NAALADL2: variants seen among roughly 807,000 people sequenced by gnomAD.
The protein encoded by NAALADL2 is N-acetylated alpha-linked acidic dipeptidase like 2.
NAALADL2 carries 76 observed loss-of-function variants against 87.2 expected under a neutral mutation model. The ratio of observed to expected loss-of-function variants is 0.87; its 90% confidence interval spans 0.72 to 1.05. The LOEUF (loss-of-function observed/expected upper bound fraction) is 1.05, where lower values mean the gene tolerates loss of function less well. NAALADL2 is among the 50% of genes least tolerant of loss of function. The probability of loss-of-function intolerance (pLI) is 0.00; values close to 1 mark genes in which losing one functional copy is unlikely to be tolerated. For synonymous variants in NAALADL2, 354 were observed against 331.0 expected (o/e 1.07, Z -0.75); for missense variants, 1,089 against 945.8 (o/e 1.15, Z -1.99).
intron 1 of NAALADL2, among the ~76,000 whole-genome samples, chr3:175,043,177 C>G (rs546776485): frequency 4.6e-4 from 70 of 152,240 alleles, no homozygotes; most frequent in African/African-American, 1.6e-3. Flanking sequence ...ACCAGACTAA[C>G]ACAAAGTCCT....
intron 1 of NAALADL2, among the ~76,000 whole-genome samples, chr3:175,094,958 T>A (rs1370604607): frequency 6.6e-6 from 1 of 152,042 alleles, no homozygotes; most frequent in Non-Finnish European, 1.5e-5. Context: ...ACTATGTGAA[T>A]GCATCCTGAT....
chr3:174,498,330 G>A (rs74944370), intron 1 of NAALADL2, among the ~76,000 whole-genome samples: 1,957 of 151,958 alleles, frequency 0.013, 35 homozygotes, highest in African/African-American at 0.046. Context: ...ACAGTTTTGA[G>A]ATTCATGCAT....
In NAALADL2 at chr3:174,653,273, C is replaced by T. The variant is rs1016036792; in HGVS notation, c.-114-84368C>T. ...AACTGGAATCAACCCAAATGTCCATCCACAGTAGAATGGATAAATGAATAA... is the reference window on the plus strand; with the variant it reads ...AACTGGAATCAACCCAAATGTCCATTCACAGTAGAATGGATAAATGAATAA... On this transcript the variant is annotated intron_variant, in intron 2 of 3. Coordinates refer to the NAALADL2 transcript ENST00000434257. 5.3e-5 allele frequency among the ~76,000 whole-genome samples: 8 copies of T among 152,282 alleles called. No individual in the cohort carries two copies. In the South Asian group the frequency reaches 1.4e-3, roughly 28 times the overall value.
At chr3:175,779,020 A>G (rs1475192441) in intron 13 of NAALADL2, among the ~76,000 whole-genome samples, 1 of 152,222 alleles carries the variant, frequency 6.6e-6, no homozygotes, top group African/African-American at 2.4e-5. Flanking sequence ...ATTAGGCTGA[A>G]CAAAGAATAG....
intron 2 of NAALADL2, among the ~76,000 whole-genome samples, chr3:174,705,832 G>T (rs1313317130): frequency 2.6e-5 from 4 of 151,592 alleles, no homozygotes; most frequent in Non-Finnish European, 5.9e-5. Flanking sequence ...AATTATCAGT[G>T]TTGGATAAGA....
chr3:175,728,042 C>A (rs979259419), intron 11 of NAALADL2, among the ~76,000 whole-genome samples: 2 of 152,074 alleles, frequency 1.3e-5, no homozygotes, highest in Non-Finnish European at 2.9e-5. Flanking sequence ...TAAGTTCTCG[C>A]TTTACTAAGA....
intron 2 of NAALADL2, among the ~76,000 whole-genome samples, chr3:174,729,506 A>G (rs1464705155): frequency 6.6e-6 from 1 of 152,068 alleles, no homozygotes; most frequent in Non-Finnish European, 1.5e-5. Context: ...CATAAACCCT[A>G]GAAGAGACAG....
intron 1 of NAALADL2, among the ~76,000 whole-genome samples, chr3:174,987,012 A>C (rs1745968536): frequency 6.6e-6 from 1 of 152,158 alleles, no homozygotes; most frequent in Non-Finnish European, 1.5e-5. Flanking sequence ...ATCTGGTTAA[A>C]AATTTACAAA....
chr3:174,921,053 A>C (rs987211013), intron 1 of NAALADL2, among the ~76,000 whole-genome samples: 2 of 152,226 alleles, frequency 1.3e-5, no homozygotes, highest in Non-Finnish European at 2.9e-5. Context: ...TACAGATCAC[A>C]ATAACAGATA....
chr3:174,629,021 T>C (rs1044540598), intron 2 of NAALADL2, among the ~76,000 whole-genome samples: 3 of 152,230 alleles, frequency 2.0e-5, no homozygotes, highest in Non-Finnish European at 4.4e-5. Flanking sequence ...GTTAAACTTG[T>C]GTTTAGTCCT....
At chr3:174,560,654 T>C (rs1271506088) in intron 2 of NAALADL2, among the ~76,000 whole-genome samples, 1 of 152,216 alleles carries the variant, frequency 6.6e-6, no homozygotes, top group Non-Finnish European at 1.5e-5. Flanking sequence ...TAATTACCTT[T>C]AGTGTTTCCA....
chr3:175,755,175 C>T, intron 12 of NAALADL2, 45 bp from the exon 13 acceptor site: 1 of 1,530,162 alleles, frequency 6.5e-7, no homozygotes, highest in African/African-American at 1.4e-5. Context: ...TATTTTGCTC[C>T]CTTGAGAATG....
chr3:175,012,294 A>C (rs977410091), intron 1 of NAALADL2, among the ~76,000 whole-genome samples: 3 of 152,046 alleles, frequency 2.0e-5, no homozygotes, highest in African/African-American at 7.2e-5. Context: ...CCTCCTGAGT[A>C]GGTGGGATTA....
chr3:175,057,599 C>G (rs922533265), intron 1 of NAALADL2, among the ~76,000 whole-genome samples: 2 of 152,140 alleles, frequency 1.3e-5, no homozygotes, highest in Admixed American at 6.5e-5. Context: ...TTAACATTCC[C>G]CTCCAGGAAC....
In NAALADL2 at chr3:175,668,142, T is replaced by C. The variant is rs569137075; in HGVS notation, c.1896+40756T>C. ...TGTGACCTCTCGTTGGAGTTTATTA[T>C]TCTAATAATTACTCAGAGAAATGGA... is the stretch of plus-strand genomic sequence containing the variant. On this transcript the variant is annotated intron_variant, in intron 11 of 13. Coordinates refer to ENST00000454872, the MANE Select transcript of NAALADL2 (RefSeq NM_207015.3). Among the ~76,000 whole-genome samples the C allele has an allele frequency of 2.0e-4, 30 of 152,312 alleles. No homozygotes were observed. In the East Asian group the frequency reaches 5.4e-3, roughly 27 times the overall value.
intron 4 of NAALADL2, among the ~76,000 whole-genome samples, chr3:175,314,688 A>ATATATATGTATATATAGTTCTAAC (rs1758862595): frequency 2.5e-5 from 1 of 39,620 alleles, no homozygotes; most frequent in Non-Finnish European, 4.4e-5. Context: ...ATATATATAT[A>ATATATATGTATATATAGTTCTAAC]TATATATATA....
chr3:174,611,833 G>A (rs977619430), intron 2 of NAALADL2, among the ~76,000 whole-genome samples: 1 of 151,654 alleles, frequency 6.6e-6, no homozygotes, highest in Non-Finnish European at 1.5e-5. Flanking sequence ...CTGACCTTGT[G>A]TTCCACCTGC....
rs111844813 is a variant in NAALADL2, at chr3:174,771,900, T to C, written c.-9+34154T>C. On this transcript the variant is annotated intron_variant, in intron 3 of 3. Coordinates refer to the NAALADL2 transcript ENST00000434257. ...AAGTGATGGAGAAATAAGGAAAAGG[T>C]TATTCACTTTATGCACATACTCAAC... Among the ~76,000 whole-genome samples, 10 of 152,258 alleles carry C rather than the reference T, an allele frequency of 6.6e-5. 1 individual carries two copies. The highest frequency in any genetic ancestry group is 2.2e-4 in the African/African-American group (9 of 41,570).
Position 174,900,728 on chromosome 3 carries a change from A to G in NAALADL2, c.43+41278A>G, listed in dbSNP as rs1344721753. Reference sequence around the variant, plus strand: ...TAAAAATAACTAAATTTTAACAGAGAGTACATCTGTGATAGAATAACTGGC... The same window carrying G: ...TAAAAATAACTAAATTTTAACAGAGGGTACATCTGTGATAGAATAACTGGC... On this transcript the variant is annotated intron_variant, in intron 1 of 13. Transcript: ENST00000454872. Among the ~76,000 whole-genome samples, 3 of 152,078 alleles carry G rather than the reference A, an allele frequency of 2.0e-5. No homozygotes were observed. The East Asian group carries it at 5.8e-4, about 29-fold the overall frequency.
Sources: allele counts gnomAD v4.1 joint callset (sites outside exome capture counted in the v4.1 genomes callset), GRCh38; gene constraint gnomAD v4.1.1; transcripts MANE v1.5; gene names NCBI Gene and HGNC (gene_info 2026-07-23, HGNC 2026-07-21).